Variants in POM121 observed in about 807,000 individuals in gnomAD.
The protein encoded by POM121 is nuclear envelope pore membrane protein POM 121.
In POM121, 32 loss-of-function variants were observed where a neutral mutation model predicts 81.3. That is an observed-to-expected ratio of 0.39 (90% confidence interval 0.30 to 0.53). The LOEUF (loss-of-function observed/expected upper bound fraction) is 0.53. Among genes scored for constraint, POM121 ranks in the 20% least tolerant of loss-of-function variants. POM121 has a pLI of 0.66. For synonymous variants in POM121, 514 were observed against 694.2 expected (o/e 0.74, Z 4.08); for missense variants, 1,138 against 1,614.6 (o/e 0.70, Z 5.06).
intron 4 of POM121, among the ~76,000 whole-genome samples, chr7:72,929,143 G>T (rs1284768891): frequency 9.2e-5 from 14 of 152,338 alleles, no homozygotes; most frequent in African/African-American, 2.9e-4. Context: ...GGTGGTGGAT[G>T]TTGGGGTTTT....
chr7:72,945,137 G>A (rs1797541882), intron 11 of POM121, among the ~76,000 whole-genome samples: 1 of 152,328 alleles, frequency 6.6e-6, no homozygotes, highest in African/African-American at 2.4e-5. Flanking sequence ...GCCAGAGCCA[G>A]TCAGGGCAAG....
In POM121 at chr7:72,946,450, C is replaced by T. The variant is rs1797699280; in HGVS notation, c.*216C>T. On this transcript the variant is annotated 3_prime_UTR_variant, in exon 13 of 13. Coordinates refer to ENST00000434423, the MANE Select transcript of POM121 (RefSeq NM_001387691.1). ...GGAAGCAGGATGCGGAGGGCCAAAG[C>T]CCGGGACCTCTACTTGAACAGTTCT... The T allele has an allele frequency of 2.1e-6, 3 of 1,397,426 alleles. No homozygotes were observed. The highest frequency in any genetic ancestry group is 1.6e-5 in the South Asian group (1 of 62,906). The allele number at this position is 1,397,426 out of a possible 1,614,324, so 86.6% of individuals were successfully genotyped here.
At chr7:72,923,527 A>G (rs1795025585), upstream of POM121, among the ~76,000 whole-genome samples, 2 of 150,522 alleles carry the variant, frequency 1.3e-5, no homozygotes, top group South Asian at 4.2e-4. Context: ...GGTTCAAGCA[A>G]TTCTCCTGCC....
intron 1 of POM121, among the ~76,000 whole-genome samples, chr7:72,883,954 C>A (rs1235323318): frequency 1.3e-5 from 2 of 152,136 alleles, no homozygotes; most frequent in Non-Finnish European, 2.9e-5. Flanking sequence ...CTCACTCTGT[C>A]ACCCAGGCTG....
At chr7:72,899,372 T>A (rs1792334519) in intron 3 of POM121, among the ~76,000 whole-genome samples, 1 of 152,126 alleles carries the variant, frequency 6.6e-6, no homozygotes, top group African/African-American at 2.4e-5. Context: ...GCAGGGACTT[T>A]GTGATGCAAA....
intron 5 of POM121, among the ~76,000 whole-genome samples, chr7:72,934,093 T>TTTTG (rs1796280540): frequency 6.6e-6 from 1 of 151,814 alleles, no homozygotes; most frequent in Non-Finnish European, 1.5e-5. Flanking sequence ...TTTTTTTTTT[T>TTTTG]CTTTCTTTTG....
exon 1 of POM121, chr7:72,879,457 C>G (rs1338560178): frequency 1.4e-5 from 3 of 211,788 alleles, no homozygotes; most frequent in African/African-American, 2.4e-5. Context: ...GGGCTGGACG[C>G]TGACCGCCCG....
chr7:72,937,058 C>T (rs1796579787), intron 5 of POM121, among the ~76,000 whole-genome samples: 1 of 151,968 alleles, frequency 6.6e-6, no homozygotes, highest in Admixed American at 6.6e-5. Context: ...AGATCAAGAC[C>T]ATCCTGGCCA....
chr7:72,930,119 T>A lies in POM121; in HGVS notation c.1275+8T>A. 6.3e-7 allele frequency: 1 copy of A among 1,597,222 alleles called. No individual in the cohort carries two copies. The highest frequency in any genetic ancestry group is 1.1e-5 in the South Asian group (1 of 90,126). Reference sequence around the variant, plus strand: ...ACTCGAGGCATCTCACAGGTACAAGTACAGCTCTTTTAATGTGGGGGACAT... The same window carrying A: ...ACTCGAGGCATCTCACAGGTACAAGAACAGCTCTTTTAATGTGGGGGACAT... On this transcript the variant is annotated splice_region_variant and intron_variant, in intron 5 of 12. Transcript: ENST00000434423.
chr7:72,926,619 C>T (rs1554497551), intron 2 of POM121, 142 bp downstream of exon 2: 1 of 1,489,896 alleles, frequency 6.7e-7, no homozygotes, highest in Non-Finnish European at 9.0e-7. Flanking sequence ...CTAGTAAACC[C>T]TTTTGTTTTT....
chr7:72,886,645 A>G (rs1790748517), intron 1 of POM121, among the ~76,000 whole-genome samples: 1 of 152,074 alleles, frequency 6.6e-6, no homozygotes, highest in African/African-American at 2.4e-5. Flanking sequence ...ATATGTCTGC[A>G]AATGTCTTCA....
chr7:72,937,199 G>A (rs1554499681), intron 5 of POM121, among the ~76,000 whole-genome samples: 1 of 151,154 alleles, frequency 6.6e-6, no homozygotes, highest in Non-Finnish European at 1.5e-5. Context: ...AGGTTGCAGT[G>A]AGCTGAGATC....
At chr7:72,899,874 T>C (rs368335446) in intron 3 of POM121, among the ~76,000 whole-genome samples, 48 of 151,982 alleles carry the variant, frequency 3.2e-4, no homozygotes, top group Admixed American at 1.7e-3. Context: ...CCACCACGCC[T>C]GGTGCTTTAT....
downstream of POM121, chr7:72,948,777 G>C (rs369217477): frequency 1.1e-5 from 17 of 1,579,514 alleles, no homozygotes; most frequent in South Asian, 3.3e-5. Flanking sequence ...CTCAGGCCTC[G>C]GTGGGGCCGG....
chr7:72,932,923 A>G (rs1304182047), intron 5 of POM121, among the ~76,000 whole-genome samples: 6 of 151,716 alleles, frequency 4.0e-5, no homozygotes, highest in African/African-American at 1.5e-4. Context: ...ATGGTGGCAC[A>G]TGCCTGTAAT....
chr7:72,915,337 A>G (rs1358501873), intron 4 of POM121, among the ~76,000 whole-genome samples: 1 of 152,106 alleles, frequency 6.6e-6, no homozygotes, highest in African/African-American at 2.4e-5. Flanking sequence ...CAGAGCTAAT[A>G]ACTAACTAAT....
chr7:72,950,327 G>A (rs1437986809), downstream of POM121: 4 of 896,812 alleles, frequency 4.5e-6, no homozygotes, highest in South Asian at 5.2e-5. Flanking sequence ...GGGAATCCGG[G>A]ATCCGCAGTT....
chr7:72,948,529 C>T, downstream of POM121: 1 of 1,613,176 alleles, frequency 6.2e-7, no homozygotes, highest in Non-Finnish European at 8.5e-7. Flanking sequence ...GCTTTTTGCT[C>T]TCTTCTTTCT....
chr7:72,923,015 C>T (rs1794961341), upstream of POM121, among the ~76,000 whole-genome samples: 1 of 151,902 alleles, frequency 6.6e-6, no homozygotes, highest in African/African-American at 2.4e-5. Flanking sequence ...TCCATTTCTT[C>T]ACCTTCCAGT....
Sources: allele counts gnomAD v4.1 joint callset (sites outside exome capture counted in the v4.1 genomes callset), GRCh38; gene constraint gnomAD v4.1.1; transcripts MANE v1.5; gene names NCBI Gene and HGNC (gene_info 2026-07-23, HGNC 2026-07-21).